TPRG1: variants seen among roughly 807,000 people sequenced by gnomAD.
TPRG1 encodes tumor protein p63 regulated 1, also known as tumor protein p63-regulated gene 1 protein.
In TPRG1, 29 loss-of-function variants were observed where a neutral mutation model predicts 29.3. The observed-to-expected ratio is 0.99, with a 90% confidence interval of 0.74 to 1.35. The LOEUF (loss-of-function observed/expected upper bound fraction) is 1.35. Ranked by LOEUF, TPRG1 falls within the 40% of genes most tolerant of loss-of-function variation. TPRG1 has a pLI of 0.00. For synonymous variants in TPRG1, 130 were observed against 116.8 expected (o/e 1.11, Z -0.73); for missense variants, 327 against 335.0 (o/e 0.98, Z 0.19).
At chr3:189,141,508 G>A (rs1305241738) in intron 3 of TPRG1, among the ~76,000 whole-genome samples, 2 of 152,130 alleles carry the variant, frequency 1.3e-5, no homozygotes, top group Non-Finnish European at 2.9e-5. Context: ...TATGCCAAGT[G>A]CAGGATGCTG....
intron 4 of TPRG1, among the ~76,000 whole-genome samples, chr3:189,056,071 TCC>T (rs1715667775): frequency 7.6e-6 from 1 of 131,510 alleles, no homozygotes; most frequent in Admixed American, 7.9e-5. Flanking sequence ...CTTCCTTCCT[TCC>T]TTCCTTCCTT....
chr3:189,229,031 AAAG>A (rs1486149485), intron 3 of TPRG1, among the ~76,000 whole-genome samples: 2 of 152,262 alleles, frequency 1.3e-5, no homozygotes, highest in South Asian at 2.1e-4. Context: ...CATGCAAAAT[AAAG>A]AAGAATTACT....
intron 1 of TPRG1, among the ~76,000 whole-genome samples, chr3:189,181,283 A>G (rs772477426): frequency 8.7e-4 from 133 of 152,232 alleles, no homozygotes; most frequent in Admixed American, 1.1e-3. Flanking sequence ...ACTTATCCAA[A>G]TTTCTGCAGC....
At chr3:189,015,547 C>G (rs566598761) in intron 3 of TPRG1, among the ~76,000 whole-genome samples, 2 of 152,270 alleles carry the variant, frequency 1.3e-5, no homozygotes, top group South Asian at 4.1e-4. Context: ...GTGCATGTCA[C>G]AGACCTTCGT....
chr3:189,015,661 CTG>C (rs2152123511), intron 3 of TPRG1, among the ~76,000 whole-genome samples: 2 of 152,252 alleles, frequency 1.3e-5, no homozygotes, highest in East Asian at 3.9e-4. Flanking sequence ...ACATGGTGCC[CTG>C]TGTCCCAGCT....
chr3:189,293,151 T>C (rs1300533522), intron 4 of TPRG1, among the ~76,000 whole-genome samples: 1 of 152,174 alleles, frequency 6.6e-6, no homozygotes, highest in Admixed American at 6.5e-5. Context: ...GGGGAGAGAT[T>C]CCGTACCACC....
intron 4 of TPRG1, among the ~76,000 whole-genome samples, chr3:189,075,196 G>A (rs548478211): frequency 1.3e-5 from 2 of 151,994 alleles, no homozygotes; most frequent in South Asian, 2.1e-4. Flanking sequence ...GCAATGGCAC[G>A]ATCTCCACTC....
At chr3:189,190,979 T>C in intron 1 of TPRG1, 2 of 985,412 alleles carry the variant, frequency 2.0e-6, no homozygotes, top group Non-Finnish European at 1.2e-6. Flanking sequence ...GAAATGCGAA[T>C]ATCACAGGTA....
At chr3:189,234,830 A>G (rs1050801221) in intron 3 of TPRG1, among the ~76,000 whole-genome samples, 1 of 152,242 alleles carries the variant, frequency 6.6e-6, no homozygotes, top group Non-Finnish European at 1.5e-5. Context: ...GGTAAGTACC[A>G]TAAGTGGGAA....
intron 1 of TPRG1, chr3:189,123,678 G>A (rs1049689938): frequency 6.6e-6 from 1 of 152,190 alleles, no homozygotes; most frequent in Non-Finnish European, 1.5e-5. Context: ...AAAGGAACAT[G>A]TTGTCTTATC....
At chr3:189,151,691 A>G in intron 5 of TPRG1, among the ~76,000 whole-genome samples, 1 of 152,022 alleles carries the variant, frequency 6.6e-6, no homozygotes, top group East Asian at 1.9e-4. Context: ...GATGAGCCTG[A>G]CCAATATGGT....
rs999204892 is a variant in TPRG1, at chr3:189,325,135, C to G, written c.*4315C>G. 3 of 151,830 alleles carry G rather than the reference C, an allele frequency of 2.0e-5. No individual in the cohort carries two copies. Among genetic ancestry groups the G allele is most frequent in the Non-Finnish European group, 2.9e-5 (2 of 67,990 alleles). The allele number at this position is 151,830 out of a possible 1,614,324, so 9.4% of individuals were successfully genotyped here. On this transcript the variant is annotated 3_prime_UTR_variant, in exon 6 of 6. Transcript: ENST00000345063. ...CTTGTCTTATTCTACCTGATTTTGG[C>G]AACTGCTTAGGGTTCTTCTGTATCC...
At chr3:189,217,444 T>G (rs1736243109) in intron 3 of TPRG1, among the ~76,000 whole-genome samples, 1 of 152,218 alleles carries the variant, frequency 6.6e-6, no homozygotes, top group Non-Finnish European at 1.5e-5. Flanking sequence ...CATATTTGCT[T>G]GTTTGCTTGC....
intron 2 of TPRG1, among the ~76,000 whole-genome samples, chr3:189,214,213 C>T (rs547537920): frequency 2.0e-4 from 30 of 152,216 alleles, no homozygotes; most frequent in African/African-American, 5.8e-4. Flanking sequence ...CAATAAAATG[C>T]TTATTTTAGG....
chr3:189,284,789 C>T (rs1051323561), intron 4 of TPRG1, among the ~76,000 whole-genome samples: 2 of 152,128 alleles, frequency 1.3e-5, no homozygotes, highest in African/African-American at 4.8e-5. Flanking sequence ...AAAATTAATT[C>T]AAGATGGATT....
chr3:189,117,839 C>A (rs1337316268), intron 1 of TPRG1, among the ~76,000 whole-genome samples: 4 of 152,166 alleles, frequency 2.6e-5, no homozygotes, highest in African/African-American at 7.2e-5. Flanking sequence ...GTCAATTAAA[C>A]TTCTTTATAA....
At chr3:189,171,637 T>C (rs1028648692), upstream of TPRG1, among the ~76,000 whole-genome samples, 1 of 152,134 alleles carries the variant, frequency 6.6e-6, no homozygotes, top group Non-Finnish European at 1.5e-5. Flanking sequence ...ATCACAAATA[T>C]CCAATAAATC....
chr3:189,313,252 T>C (rs1402243156), intron 5 of TPRG1: 2 of 152,190 alleles, frequency 1.3e-5, no homozygotes, highest in Non-Finnish European at 2.9e-5. Flanking sequence ...TTATTTATGT[T>C]TAGGACATTT....
At chr3:189,064,091 T>C (rs1204318438) in intron 4 of TPRG1, among the ~76,000 whole-genome samples, 1 of 152,180 alleles carries the variant, frequency 6.6e-6, no homozygotes, top group African/African-American at 2.4e-5. Flanking sequence ...AAGTTTTGTC[T>C]ATTACAGAGA....
Sources: gnomAD v4.1 joint callset for allele counts (sites outside exome capture counted in the v4.1 genomes callset) on GRCh38, gnomAD v4.1.1 for gene constraint, MANE v1.5 for transcripts, NCBI Gene and HGNC (gene_info 2026-07-23, HGNC 2026-07-21) for gene names.